ASAP1: variants seen among roughly 807,000 people sequenced by gnomAD.
ASAP1 encodes the protein arf-GAP with SH3 domain, ANK repeat and PH domain-containing protein 1.
In ASAP1, 43 loss-of-function variants were observed where a neutral mutation model predicts 145.2. The observed-to-expected ratio is 0.30, with a 90% CI of 0.23 to 0.38. The LOEUF (loss-of-function observed/expected upper bound fraction) is 0.38, where lower values mean the gene tolerates loss of function less well. Ranked by LOEUF, ASAP1 falls within the 10% of genes least tolerant of loss-of-function variation. The pLI, the probability that ASAP1 is intolerant of heterozygous loss-of-function variation, is 1.00. For missense variants in ASAP1, 1,018 were observed against 1,355.3 expected (o/e 0.75, Z 3.91); for synonymous variants, 546 against 515.5 (o/e 1.06, Z -0.80).
intron 18 of ASAP1, among the ~76,000 whole-genome samples, chr8:130,123,401 T>C (rs989859001): frequency 6.6e-6 from 1 of 152,204 alleles, no homozygotes; most frequent in African/African-American, 2.4e-5. Flanking sequence ...GAATGTCTCT[T>C]ACTCATCACA....
intron 1 of ASAP1, among the ~76,000 whole-genome samples, chr8:130,404,123 T>C (rs1358965937): frequency 2.6e-5 from 4 of 152,244 alleles, no homozygotes; most frequent in Non-Finnish European, 5.9e-5. Context: ...GATACAAAGA[T>C]TGTGTTTGGA....
chr8:130,308,102 T>C (rs1024202587), intron 3 of ASAP1, among the ~76,000 whole-genome samples: 1 of 152,216 alleles, frequency 6.6e-6, no homozygotes, highest in Non-Finnish European at 1.5e-5. Flanking sequence ...TCAATTATTA[T>C]AGAAATATTT....
rs746863000 is a variant in ASAP1 at position 130,214,719 on chromosome 8, GAAGA to G, written c.260-22_260-19del. 3.8e-6 allele frequency: 6 copies of G among 1,563,462 alleles called. No individual in the cohort carries two copies. In the African/African-American group the frequency reaches 4.1e-5, roughly 11 times the overall value. On this transcript the variant is annotated intron_variant, in intron 4 of 29. Transcript: ENST00000518721. ...TACATGATCTAAAAACAAAAAAGAAGAAGAAAGGAGTCTGAACTATTATTTGCCA... is the reference window on the plus strand; with the variant it reads ...TACATGATCTAAAAACAAAAAAGAAGAAGGAGTCTGAACTATTATTTGCCA...
intron 3 of ASAP1, among the ~76,000 whole-genome samples, chr8:130,259,743 G>C (rs550622819): frequency 2.6e-5 from 4 of 152,272 alleles, no homozygotes; most frequent in African/African-American, 9.6e-5. Context: ...GACAGTGTGT[G>C]CAATTCTACA....
intron 15 of ASAP1, among the ~76,000 whole-genome samples, chr8:130,133,400 T>TA (rs2097586251): frequency 1.3e-5 from 2 of 152,196 alleles, no homozygotes; most frequent in South Asian, 4.1e-4. Flanking sequence ...CTCACGCCTG[T>TA]AATCCCAGCA....
intron 2 of ASAP1, among the ~76,000 whole-genome samples, chr8:130,400,492 A>AG (rs11455175): frequency 1.5e-5 from 1 of 68,462 alleles, no homozygotes; most frequent in African/African-American, 8.6e-5. Flanking sequence ...GTGGCATAGG[A>AG]AAAAAAAAAA....
chr8:130,188,327 A>C, intron 5 of ASAP1, 144 bp from the exon 6 acceptor site: 1 of 667,712 alleles, frequency 1.5e-6, no homozygotes, highest in Non-Finnish European at 2.7e-6. Context: ...AACCTACATG[A>C]CACCTCTGTA....
At chr8:130,371,519 T>C (rs2138289204) in intron 2 of ASAP1, among the ~76,000 whole-genome samples, 1 of 152,364 alleles carries the variant, frequency 6.6e-6, no homozygotes, top group Middle Eastern at 3.4e-3. Context: ...AAGGTGGCTA[T>C]ATGGCTAAAT....
At chr8:130,228,817 T>G (rs562372726) in intron 4 of ASAP1, among the ~76,000 whole-genome samples, 81 of 152,266 alleles carry the variant, frequency 5.3e-4, no homozygotes, top group African/African-American at 1.7e-3. Context: ...GCTATTATTT[T>G]TTTTTCTTTT....
At chr8:130,254,711 C>T (rs1819406971) in intron 3 of ASAP1, among the ~76,000 whole-genome samples, 1 of 152,080 alleles carries the variant, frequency 6.6e-6, no homozygotes, top group African/African-American at 2.4e-5. Context: ...TAAATCAGTA[C>T]TTTTATCTAA....
chr8:130,110,865 T>C (rs2097545538), intron 24 of ASAP1, among the ~76,000 whole-genome samples: 1 of 152,110 alleles, frequency 6.6e-6, no homozygotes, highest in Admixed American at 6.5e-5. Context: ...AGGCATGGCA[T>C]TGTGTAGCGA....
At chr8:130,107,529 T>C (rs1222163932) in intron 24 of ASAP1, among the ~76,000 whole-genome samples, 5 of 86,304 alleles carry the variant, frequency 5.8e-5, no homozygotes, top group Admixed American at 3.9e-4. Context: ...TATGTATGTA[T>C]GTATGTATGT....
chr8:130,196,652 A>G (rs941865827), intron 5 of ASAP1, among the ~76,000 whole-genome samples: 1 of 152,236 alleles, frequency 6.6e-6, no homozygotes, highest in Non-Finnish European at 1.5e-5. Flanking sequence ...TTGCTTTGTC[A>G]TCTTGCATTA....
intron 24 of ASAP1, among the ~76,000 whole-genome samples, chr8:130,110,448 T>C (rs776099531): frequency 6.6e-6 from 1 of 152,208 alleles, no homozygotes; most frequent in African/African-American, 2.4e-5. Context: ...AGAAAGAGAA[T>C]CTCTGCTCTC....
intron 4 of ASAP1, among the ~76,000 whole-genome samples, chr8:130,219,028 T>C (rs1817119498): frequency 6.6e-6 from 1 of 152,034 alleles, no homozygotes; most frequent in South Asian, 2.1e-4. Flanking sequence ...CATAATCCTA[T>C]GAAAATAGAA....
chr8:130,079,799 C>T (rs1209865263), intron 26 of ASAP1, 103 bp downstream of exon 26: 1 of 1,237,702 alleles, frequency 8.1e-7, no homozygotes, highest in African/African-American at 1.5e-5. Context: ...TGGCTGACCA[C>T]AGCTTTGAGC....
chr8:130,305,649 C>T (rs1437010614), intron 3 of ASAP1, among the ~76,000 whole-genome samples: 1 of 152,200 alleles, frequency 6.6e-6, no homozygotes, highest in Non-Finnish European at 1.5e-5. Context: ...GCTGAGATTA[C>T]AGGCATGAGC....
At chr8:130,059,187 C>T (rs1159858891) in intron 28 of ASAP1, among the ~76,000 whole-genome samples, 8 of 149,622 alleles carry the variant, frequency 5.3e-5, no homozygotes, top group Non-Finnish European at 7.4e-5. Flanking sequence ...TTTTTTGAGA[C>T]GGGGTTTCAC....
At chr8:130,119,974 C>T (rs540809190) in intron 18 of ASAP1, among the ~76,000 whole-genome samples, 2 of 152,328 alleles carry the variant, frequency 1.3e-5, no homozygotes, top group Admixed American at 6.5e-5. Context: ...CTGTTTCCAA[C>T]AGCCCACAGT....
Sources: allele counts gnomAD v4.1 joint callset (sites outside exome capture counted in the v4.1 genomes callset), GRCh38; gene constraint gnomAD v4.1.1; transcripts MANE v1.5; gene names NCBI Gene and HGNC (gene_info 2026-07-23, HGNC 2026-07-21).